TRIM49C: variants seen among roughly 807,000 people sequenced by gnomAD.
TRIM49C encodes the protein tripartite motif containing 49C.
TRIM49C carries 6 observed loss-of-function variants against 21.4 expected under a neutral mutation model. That is an observed-to-expected ratio of 0.28 (90% CI 0.15 to 0.55). TRIM49C has a LOEUF of 0.55. TRIM49C is among the 20% of genes least tolerant of loss of function. The probability of loss-of-function intolerance (pLI) is 0.94; values close to 1 mark genes in which losing one functional copy is unlikely to be tolerated. For synonymous variants in TRIM49C, 57 were observed against 148.1 expected, an observed-to-expected ratio of 0.38 and a Z score of 4.47; for missense variants, 161 against 442.4, an observed-to-expected ratio of 0.36 and a Z score of 5.71.
At chr11:90,036,544 A>G (rs1276644366) in intron 4 of TRIM49C, among the ~76,000 whole-genome samples, 1 of 127,592 alleles carries the variant, frequency 7.8e-6, no homozygotes, top group East Asian at 2.5e-4. Context: ...TGAGGGAGAC[A>G]TGTAAACATG....
intron 2 of TRIM49C, among the ~76,000 whole-genome samples, chr11:90,033,694 A>G (rs1419938513): frequency 7.4e-6 from 1 of 135,444 alleles, no homozygotes; most frequent in Non-Finnish European, 1.6e-5. Flanking sequence ...CTATAATCCC[A>G]GCACTTTGCA....
the TRIM49C span, among the ~76,000 whole-genome samples, chr11:90,071,979 T>C: frequency 3.5e-5 from 5 of 141,634 alleles, 2 homozygotes; most frequent in Admixed American, 2.4e-4. Flanking sequence ...GAATCAGCCA[T>C]ATAACAAATT....
chr11:90,071,415 G>A, the TRIM49C span, among the ~76,000 whole-genome samples: 1 of 141,044 alleles, frequency 7.1e-6, no homozygotes, highest in African/African-American at 2.5e-5. Flanking sequence ...GTTCAATGCA[G>A]GAGTTGCTAG....
intron 5 of TRIM49C, among the ~76,000 whole-genome samples, chr11:90,038,343 T>G (rs1427875762): frequency 9.3e-6 from 1 of 107,716 alleles, no homozygotes; most frequent in Non-Finnish European, 1.9e-5. Flanking sequence ...GTTTTGGGAA[T>G]CTAGGTTTGC....
At chr11:90,038,928 G>T (rs1565480583) in intron 6 of TRIM49C, among the ~76,000 whole-genome samples, 1 of 135,348 alleles carries the variant, frequency 7.4e-6, no homozygotes, top group Non-Finnish European at 1.6e-5. Flanking sequence ...TCCTGGTTTT[G>T]TTTTTTTTTG....
At chr11:90,053,853 G>T in the TRIM49C span, 1 of 142,928 alleles carries the variant, frequency 7.0e-6, no homozygotes, top group African/African-American at 2.5e-5. Context: ...CAAGCCCGGC[G>T]GAAACCTCCC....
In TRIM49C at chr11:90,038,746, T is replaced by C. The variant is rs1483445479; in HGVS notation, c.761+31T>C. On this transcript the variant is annotated intron_variant, in intron 6 of 7. Transcript: ENST00000448984. ...TGTGTACCTAGATTTTAGCATATGT[T>C]CTTTAAGATTCCACGACTATCAAAG... 4.4e-6 allele frequency: 4 copies of C among 913,940 alleles called. 1 individual carries two copies. The East Asian group carries it at 1.3e-4, about 31-fold the overall frequency. The allele number at this position is 913,940 out of a possible 1,614,324, so 56.6% of individuals were successfully genotyped here. A position where few individuals can be genotyped will look rare whatever the true frequency, so the allele number is the denominator to read the frequency against.
the TRIM49C span, among the ~76,000 whole-genome samples, chr11:90,059,906 T>A: frequency 2.9e-5 from 4 of 139,948 alleles, no homozygotes; most frequent in Non-Finnish European, 6.1e-5. Context: ...CCTCCCTCTG[T>A]CTTTTTTTTT....
In TRIM49C at chr11:90,034,968, T is replaced by C. The variant is rs534101815; in HGVS notation, c.-4-240T>C. On this transcript the variant is annotated intron_variant, in intron 2 of 7. Coordinates refer to ENST00000448984, the MANE Select transcript of TRIM49C (RefSeq NM_001195234.1). ...TGGGTAGTTGAATAGGTTTGTATTA[T>C]GCTACAGACAGGAACTAGGAGTAGA... Among the ~76,000 whole-genome samples, 1,136 of 136,780 alleles carry C rather than the reference T, an allele frequency of 8.3e-3. 80 individuals are homozygous for C. Among genetic ancestry groups the C allele is most frequent in the African/African-American group, 0.029 (1,062 of 36,034 alleles). The allele number at this position is 136,780 out of a possible 152,430, so 89.7% of individuals were successfully genotyped here.
chr11:90,041,266 A>G lies in TRIM49C; in HGVS notation c.1075A>G (p.Asn359Asp). The stretch of plus-strand genomic sequence containing the variant: ...CTGGAATTGGGCTTTTGGTGTCTGT[A>G]ATATGTATCGGAAGGAGAAGAATCA... The part of the protein sequence containing the change: ...DSWNWAFGVC[N>D]MYRKEKNQNE... The change falls in exon 8 of 8, where the codon AAT becomes GAT. Residue 359 changes from asparagine to aspartate, a missense_variant. By Grantham distance (23) the Asn-to-Asp change is conservative (BLOSUM62 1). Transcript: ENST00000448984. The G allele has an allele frequency of 6.3e-7, 1 of 1,576,224 alleles. No individual in the cohort carries two copies. Among genetic ancestry groups the G allele is most frequent in the Non-Finnish European group, 8.7e-7 (1 of 1,155,630 alleles).
At position 90,034,816 on chromosome 11, in the gene TRIM49C, T is replaced by C. The variant is rs561384; in HGVS notation, c.-4-392T>C. Among the ~76,000 whole-genome samples, 52 of 133,608 alleles carry C rather than the reference T, an allele frequency of 3.9e-4. 1 individual carries two copies. The highest frequency in any genetic ancestry group is 1.2e-3 in the African/African-American group (42 of 36,374). The allele number at this position is 133,608 out of a possible 152,430, so 87.7% of individuals were successfully genotyped here. On this transcript the variant is annotated intron_variant, in intron 2 of 7. Transcript: ENST00000448984. ...GCCATCTTCTCATATTTCTTTGGCC[T>C]GGATAGTTTTTTCCCTCCCACTCTT...
chr11:90,066,918 T>C, the TRIM49C span, among the ~76,000 whole-genome samples: 5 of 137,946 alleles, frequency 3.6e-5, no homozygotes, highest in African/African-American at 1.0e-4. Context: ...CAGGTGTCTG[T>C]CACCGTGACT....
chr11:90,051,778 G>C, the TRIM49C span: 1 of 318,464 alleles, frequency 3.1e-6, no homozygotes, highest in Admixed American at 5.8e-5. Context: ...AGCAGCCACG[G>C]TGCCCAGCCC....
At chr11:90,068,470 G>C in the TRIM49C span, among the ~76,000 whole-genome samples, 351 of 143,470 alleles carry the variant, frequency 2.4e-3, 20 homozygotes, top group African/African-American at 8.6e-3. Flanking sequence ...GTGAAAGAAA[G>C]AGATATCATG....
At chr11:90,067,795 ATATT>A in the TRIM49C span, among the ~76,000 whole-genome samples, 1 of 139,812 alleles carries the variant, frequency 7.2e-6, no homozygotes, top group Non-Finnish European at 1.5e-5. Context: ...AAAAGAAAAT[ATATT>A]TAATATTCAT....
rs1275934394 is a variant in TRIM49C at position 90,041,269 on chromosome 11, A to G, written c.1078A>G (p.Met360Val). The G allele has an allele frequency of 1.9e-6, 3 of 1,577,404 alleles. No homozygotes were observed. Among genetic ancestry groups the G allele is most frequent in the Non-Finnish European group, 8.6e-7 (1 of 1,156,822 alleles). Residue 360 changes from methionine to valine, a missense_variant, in exon 8 of 8, where the codon ATG becomes GTG. This residue lies in a region of TRIM49C where 63 missense variants were observed against 67.6 expected (regional missense o/e 0.93). Coordinates refer to ENST00000448984, the MANE Select transcript of TRIM49C (RefSeq NM_001195234.1). ...SWNWAFGVCNMYRKEKNQNEK... is the reference protein window; with the variant it reads ...SWNWAFGVCNVYRKEKNQNEK... ...GAATTGGGCTTTTGGTGTCTGTAAT[A>G]TGTATCGGAAGGAGAAGAATCAGAA...
chr11:90,038,859 C>T (rs1205711262), intron 6 of TRIM49C, 144 bp downstream of exon 6: 1 of 432,816 alleles, frequency 2.3e-6, no homozygotes, highest in African/African-American at 2.1e-5. Flanking sequence ...CCTTAAAAGA[C>T]AAGGCCACGA....
chr11:90,053,768 T>TC, the TRIM49C span: 20 of 141,702 alleles, frequency 1.4e-4, no homozygotes, highest in African/African-American at 4.1e-4. Flanking sequence ...CGCGGCACCG[T>TC]CCGGGAAAGC....
chr11:90,035,811 C>A, intron 3 of TRIM49C, 77 bp from the exon 4 acceptor site: 1 of 518,660 alleles, frequency 1.9e-6, no homozygotes, highest in Non-Finnish European at 3.1e-6. Context: ...TTACTAGGGG[C>A]TTATTTGTCT....
Sources: gnomAD v4.1 joint callset for allele counts (sites outside exome capture counted in the v4.1 genomes callset) on GRCh38, gnomAD v4.1.1 for gene constraint, gnomAD v4.1.1 regional missense constraint, MANE v1.5 for transcripts, NCBI Gene and HGNC (gene_info 2026-07-23, HGNC 2026-07-21) for gene names.